EPHB1: variants seen among roughly 807,000 people sequenced by gnomAD.
EPHB1 encodes the protein EPH receptor B1.
EPHB1 carries 30 observed loss-of-function variants against 94.4 expected under a neutral mutation model. The ratio of observed to expected loss-of-function variants is 0.32; its 90% CI spans 0.24 to 0.43. The LOEUF (loss-of-function observed/expected upper bound fraction) is 0.43. Ranked by LOEUF, EPHB1 falls within the 20% of genes least tolerant of loss-of-function variation. The probability of loss-of-function intolerance (pLI) is 1.00; values close to 1 mark genes in which losing one functional copy is unlikely to be tolerated. For missense variants in EPHB1, 1,055 were observed against 1,308.3 expected, an observed-to-expected ratio of 0.81 and a Z score of 2.99; for synonymous variants, 522 against 489.1, an observed-to-expected ratio of 1.07 and a Z score of -0.89.
chr3:135,113,210 A>G (rs1939532888), intron 4 of EPHB1, among the ~76,000 whole-genome samples: 1 of 152,198 alleles, frequency 6.6e-6, no homozygotes, highest in African/African-American at 2.4e-5. Context: ...GATGCAAAAG[A>G]AAGGAGTGTG....
chr3:134,866,454 T>C (rs751682464), intron 1 of EPHB1, among the ~76,000 whole-genome samples: 6 of 152,142 alleles, frequency 3.9e-5, no homozygotes, highest in Admixed American at 6.5e-5. Context: ...TCATGCCCAG[T>C]ACCTGCTGCC....
chr3:135,045,022 G>C (rs912670905), intron 3 of EPHB1, among the ~76,000 whole-genome samples: 13 of 152,188 alleles, frequency 8.5e-5, no homozygotes, highest in African/African-American at 3.1e-4. Context: ...TGCTGCTGTA[G>C]CATAGTGGTG....
intron 1 of EPHB1, among the ~76,000 whole-genome samples, chr3:134,860,652 A>C (rs2037236077): frequency 6.6e-6 from 1 of 152,090 alleles, no homozygotes; most frequent in African/African-American, 2.4e-5. Flanking sequence ...ATCTCTACCA[A>C]ATATATAAAA....
At chr3:134,923,850 A>T (rs923237657) in intron 1 of EPHB1, among the ~76,000 whole-genome samples, 4 of 152,060 alleles carry the variant, frequency 2.6e-5, no homozygotes, top group Admixed American at 2.6e-4. Flanking sequence ...GGCTGTTCTC[A>T]TGGTTATGGG....
chr3:134,916,505 C>T (rs376706468), intron 1 of EPHB1, among the ~76,000 whole-genome samples: 27 of 152,338 alleles, frequency 1.8e-4, no homozygotes, highest in East Asian at 1.2e-3. Context: ...AGCCTTGCCC[C>T]GTGCAGAGGC....
intron 1 of EPHB1, among the ~76,000 whole-genome samples, chr3:134,814,493 T>C (rs1462866684): frequency 1.3e-5 from 2 of 152,098 alleles, no homozygotes; most frequent in East Asian, 3.9e-4. Context: ...TAGAGTGGGC[T>C]ATGGTAACCA....
chr3:135,092,906 C>T (rs779011238), intron 3 of EPHB1, among the ~76,000 whole-genome samples: 13 of 152,132 alleles, frequency 8.5e-5, no homozygotes, highest in South Asian at 2.1e-4. Flanking sequence ...GGATTACAGG[C>T]GGGAGCCACC....
At chr3:135,089,457 C>A (rs189636469) in intron 3 of EPHB1, among the ~76,000 whole-genome samples, 1 of 152,214 alleles carries the variant, frequency 6.6e-6, no homozygotes, top group South Asian at 2.1e-4. Context: ...GTTATTAATA[C>A]CAACACAACT....
chr3:134,852,097 C>T (rs963655210), intron 1 of EPHB1, among the ~76,000 whole-genome samples: 4 of 152,302 alleles, frequency 2.6e-5, no homozygotes. Context: ...TTACCCACCT[C>T]GGGGCGTATT....
intron 3 of EPHB1, among the ~76,000 whole-genome samples, chr3:135,089,443 A>C (rs1424697833): frequency 6.6e-6 from 1 of 152,258 alleles, no homozygotes; most frequent in Non-Finnish European, 1.5e-5. Context: ...TTAATAAAAC[A>C]ATTGTTATTA....
intron 1 of EPHB1, chr3:134,796,142 T>A (rs1336185458): frequency 3.8e-5 from 8 of 212,810 alleles, no homozygotes; most frequent in Non-Finnish European, 7.5e-5. Context: ...CGCCACCTCC[T>A]TTTCTCCAGC....
intron 3 of EPHB1, among the ~76,000 whole-genome samples, chr3:135,029,974 T>G (rs1936373447): frequency 6.6e-6 from 1 of 151,424 alleles, no homozygotes; most frequent in East Asian, 1.9e-4. Flanking sequence ...TTCATTCATT[T>G]CATCTTCCAT....
intron 5 of EPHB1, among the ~76,000 whole-genome samples, chr3:135,138,113 A>G (rs1940687500): frequency 6.6e-6 from 1 of 152,184 alleles, no homozygotes; most frequent in Non-Finnish European, 1.5e-5. Flanking sequence ...TATCAGCACA[A>G]TTTATATCTG....
rs144925762 is a variant in EPHB1, at chr3:134,940,442, G to A, written c.124-10929G>A. ...TGTGATCACAGAGCTGTAACTGGCAGAGGTGGGGTCTGCCTGCCCTGGCAA... is the reference window on the plus strand; with the variant it reads ...TGTGATCACAGAGCTGTAACTGGCAAAGGTGGGGTCTGCCTGCCCTGGCAA... On this transcript the variant is annotated intron_variant, in intron 2 of 15. Coordinates refer to ENST00000398015, the MANE Select transcript of EPHB1 (RefSeq NM_004441.5). 9.1e-3 allele frequency among the ~76,000 whole-genome samples: 1,380 copies of A among 152,304 alleles called. 26 individuals carry two copies. The highest frequency in any genetic ancestry group is 0.031 in the African/African-American group (1,306 of 41,562).
At chr3:134,830,779 T>C (rs1169487818) in intron 1 of EPHB1, among the ~76,000 whole-genome samples, 1 of 152,214 alleles carries the variant, frequency 6.6e-6, no homozygotes, top group East Asian at 1.9e-4. Flanking sequence ...GATGCAACCT[T>C]GCCCTCCCAG....
intron 3 of EPHB1, among the ~76,000 whole-genome samples, chr3:135,039,719 T>C (rs942438429): frequency 2.6e-5 from 4 of 152,194 alleles, no homozygotes; most frequent in South Asian, 2.1e-4. Flanking sequence ...GCTGGCTGCT[T>C]CGAGTGCGGG....
At chr3:135,208,897 GC>G (rs1942967093) in intron 12 of EPHB1, among the ~76,000 whole-genome samples, 1 of 152,140 alleles carries the variant, frequency 6.6e-6, no homozygotes, top group Non-Finnish European at 1.5e-5. Flanking sequence ...TAGAGACATG[GC>G]CCCTTCCAAG....
chr3:134,825,675 G>A (rs2036463371), intron 1 of EPHB1, among the ~76,000 whole-genome samples: 1 of 152,122 alleles, frequency 6.6e-6, no homozygotes, highest in South Asian at 2.1e-4. Flanking sequence ...AAAGGGAATA[G>A]GTTTGGTGGG....
intron 1 of EPHB1, among the ~76,000 whole-genome samples, chr3:134,862,619 A>G (rs6439526): frequency 0.87 from 131,720 of 151,988 alleles, 57,324 homozygotes; most frequent in East Asian, 0.97. Context: ...CTCCTAACAA[A>G]CAGCAGCCAA....
Sources: gnomAD v4.1 joint callset for allele counts (sites outside exome capture counted in the v4.1 genomes callset) on GRCh38, gnomAD v4.1.1 for gene constraint, MANE v1.5 for transcripts, NCBI Gene and HGNC (gene_info 2026-07-23, HGNC 2026-07-21) for gene names.